Variants in CAPS2 observed in about 807,000 individuals in gnomAD.
CAPS2 encodes the protein calcyphosine 2.
Under a neutral mutation model 86.5 loss-of-function variants are expected in CAPS2, and 98 were observed. That is an observed-to-expected ratio of 1.13 (90% CI 0.96 to 1.34). CAPS2 has a LOEUF of 1.34. Among genes scored for constraint, CAPS2 ranks in the 40% most tolerant of loss-of-function variants. CAPS2 has a pLI of 0.00. For missense variants in CAPS2, 729 were observed against 686.8 expected, an observed-to-expected ratio of 1.06 and a Z score of -0.69; for synonymous variants, 210 against 225.1, an observed-to-expected ratio of 0.93 and a Z score of 0.60.
chr12:75,349,251 T>G (rs1034378840), intron 1 of CAPS2, among the ~76,000 whole-genome samples: 1 of 152,202 alleles, frequency 6.6e-6, no homozygotes, highest in Non-Finnish European at 1.5e-5. Flanking sequence ...CAATTCATAA[T>G]GTAAAACCTG....
upstream of CAPS2, chr12:75,329,970 G>A: frequency 9.8e-7 from 1 of 1,021,744 alleles, no homozygotes; most frequent in Admixed American, 2.2e-5. Context: ...AGAAGAGTTG[G>A]AAAAGGTATA....
intron 1 of CAPS2, among the ~76,000 whole-genome samples, chr12:75,385,849 G>A (rs1233787197): frequency 2.6e-5 from 4 of 151,998 alleles, no homozygotes; most frequent in Admixed American, 6.6e-5. Context: ...ACATAATAGC[G>A]TTTAGCACAC....
chr12:75,344,451 G>A (rs1312450202), intron 1 of CAPS2, among the ~76,000 whole-genome samples: 1 of 151,938 alleles, frequency 6.6e-6, no homozygotes, highest in African/African-American at 2.4e-5. Flanking sequence ...GCACCTTAAA[G>A]TTTGTATCTC....
chr12:75,332,795 G>A (rs1240576916), upstream of CAPS2, among the ~76,000 whole-genome samples: 3 of 152,146 alleles, frequency 2.0e-5, no homozygotes, highest in Admixed American at 6.5e-5. Context: ...ATCTGATAGA[G>A]AAGGCAGATG....
chr12:75,276,548 G>A, downstream of CAPS2: 1 of 979,128 alleles, frequency 1.0e-6, no homozygotes, highest in Non-Finnish European at 1.2e-6. Context: ...GGACATACAT[G>A]TTTAACTATA....
chr12:75,289,784 CAAG>C lies in CAPS2; in HGVS notation c.1241-12_1241-10del. ...TTTTTCTTTTAGCACATCTGTTCAA[CAAG>C]AAGAGAGATGAAAACAAATTGTTCC... On this transcript the variant is annotated splice_polypyrimidine_tract_variant and intron_variant, in intron 13 of 16. Coordinates refer to ENST00000393284, the Ensembl canonical transcript of CAPS2. 1.9e-6 allele frequency: 3 copies of C among 1,600,340 alleles called. No homozygotes were observed. The highest frequency in any genetic ancestry group is 2.6e-6 in the Non-Finnish European group (3 of 1,172,844).
At chr12:75,283,157 T>A (rs2034282912) in intron 15 of CAPS2, among the ~76,000 whole-genome samples, 1 of 152,242 alleles carries the variant, frequency 6.6e-6, no homozygotes, top group Non-Finnish European at 1.5e-5. Flanking sequence ...ATACACTTTT[T>A]AAAATGTAGT....
At chr12:75,329,995 C>T, upstream of CAPS2, 1 of 720,984 alleles carries the variant, frequency 1.4e-6, no homozygotes, top group Non-Finnish European at 2.3e-6. Flanking sequence ...AGCGCGATTC[C>T]TCCAAAAACC....
intron 1 of CAPS2, among the ~76,000 whole-genome samples, chr12:75,367,535 C>T (rs529972206): frequency 1.4e-5 from 2 of 147,750 alleles, no homozygotes; most frequent in African/African-American, 4.9e-5. Context: ...ACAGGAAGGT[C>T]TTGCACATCA....
chr12:75,277,978 A>C (rs1241565973), exon 17 of CAPS2: 2 of 887,736 alleles, frequency 2.3e-6, no homozygotes, highest in African/African-American at 1.8e-5. Flanking sequence ...AATATCATAC[A>C]TTCATTTTAG....
intron 16 of CAPS2, among the ~76,000 whole-genome samples, chr12:75,279,308 G>A (rs186648005): frequency 8.1e-4 from 123 of 151,916 alleles, no homozygotes; most frequent in African/African-American, 2.9e-3. Flanking sequence ...ACAGAACACA[G>A]TTTTTTTGAT....
chr12:75,305,874 G>T, intron 7 of CAPS2: 1 of 775,008 alleles, frequency 1.3e-6, no homozygotes, highest in Non-Finnish European at 2.3e-6. Context: ...CACCGCAGAG[G>T]CTGACCAGGC....
intron 15 of CAPS2, among the ~76,000 whole-genome samples, 171 bp from the exon 16 acceptor site, chr12:75,282,518 C>T (rs35719523): frequency 0.03 from 4,508 of 152,162 alleles, 97 homozygotes; most frequent in Middle Eastern, 0.051. Flanking sequence ...TACCGAGTAG[C>T]TGGGACTACA....
exon 1 of CAPS2, chr12:75,326,447 G>T: frequency 2.0e-6 from 3 of 1,528,408 alleles, no homozygotes; most frequent in Non-Finnish European, 2.7e-6. Context: ...CCAAAGAATG[G>T]CTGAATTTGG....
intron 15 of CAPS2, among the ~76,000 whole-genome samples, chr12:75,282,894 T>C (rs2034232638): frequency 6.6e-6 from 1 of 152,152 alleles, no homozygotes; most frequent in Non-Finnish European, 1.5e-5. Flanking sequence ...CTTTCTAGCA[T>C]CCTGACCTTG....
upstream of CAPS2, chr12:75,334,417 A>G: frequency 9.1e-7 from 1 of 1,104,910 alleles, no homozygotes; most frequent in Non-Finnish European, 1.1e-6. Flanking sequence ...TGCAATCTGT[A>G]TTACAATCCA....
intron 8 of CAPS2, 48 bp downstream of exon 8, chr12:75,304,709 T>C (rs1593390178): frequency 7.3e-7 from 1 of 1,364,184 alleles, no homozygotes; most frequent in Non-Finnish European, 1.0e-6. Context: ...TTAAAAATAC[T>C]TTTAGAACAT....
At chr12:75,291,981 G>A (rs1412411768) in intron 12 of CAPS2, among the ~76,000 whole-genome samples, 161 bp from the exon 13 acceptor site, 1 of 152,062 alleles carries the variant, frequency 6.6e-6, no homozygotes, top group East Asian at 1.9e-4. Flanking sequence ...CTGCTGCTTT[G>A]ATGCCTAAGA....
chr12:75,374,237 G>C (rs575438748), intron 1 of CAPS2, among the ~76,000 whole-genome samples: 1 of 152,204 alleles, frequency 6.6e-6, no homozygotes, highest in Non-Finnish European at 1.5e-5. Flanking sequence ...GCCTGGACCT[G>C]TTGCAGAGCC....
Sources: gnomAD v4.1 joint callset for allele counts (sites outside exome capture counted in the v4.1 genomes callset) on GRCh38, gnomAD v4.1.1 for gene constraint, MANE v1.5 for transcripts, NCBI Gene and HGNC (gene_info 2026-07-23, HGNC 2026-07-21) for gene names.